Variants in FLCN observed in about 807,000 individuals in gnomAD.
The protein encoded by FLCN is BHD skin lesion fibrofolliculoma protein.
A neutral mutation model predicts 62.5 loss-of-function variants in FLCN; 22 were observed. The observed-to-expected ratio is 0.35, with a 90% CI of 0.25 to 0.50. The LOEUF (loss-of-function observed/expected upper bound fraction) is 0.50, where lower values mean the gene tolerates loss of function less well. Among genes scored for constraint, FLCN ranks in the 20% least tolerant of loss-of-function variants. The pLI is 0.97. For missense variants in FLCN, 657 were observed against 778.0 expected, an observed-to-expected ratio of 0.84 and a Z score of 1.85; for synonymous variants, 319 against 310.0, an observed-to-expected ratio of 1.03 and a Z score of -0.30.
Position 17,228,046 on chromosome 17 carries a change from T to C in FLCN, c.92A>G (p.Gln31Arg). 1 of 1,613,784 alleles carries C rather than the reference T, an allele frequency of 6.2e-7. No homozygotes were observed. Among genetic ancestry groups the C allele is most frequent in the South Asian group, 1.1e-5 (1 of 91,086 alleles). ...AGGACTGTCCTCATTCCCATCCCCT[T>C]GAGGAAGTGGGGCGTGCAGCACCTC... ...CTEVLHAPLP[Q>R]GDGNEDSPGQ... The change falls in exon 4 of 14, where the codon CAA (glutamine) becomes CGA (arginine). Residue 31 changes from glutamine (Q) to arginine (R), a missense_variant. Gln to Arg is a conservative substitution (Grantham distance 43). Transcript: ENST00000285071.
In FLCN at chr17:17,225,010, G is replaced by T. The variant is rs575264647; in HGVS notation, c.397-867C>A. 3 of 152,494 alleles carry T rather than the reference G, an allele frequency of 2.0e-5. No homozygotes were observed. The East Asian group carries it at 5.8e-4, about 29-fold the overall frequency. 9.4% of individuals were successfully genotyped at this position (152,494 alleles called of 1,614,324 possible). On this transcript the variant is annotated intron_variant, in intron 5 of 13. Coordinates refer to ENST00000285071, the MANE Select transcript of FLCN (RefSeq NM_144997.7). ...CACACAGCCACACTGAATGAGAACA[G>T]TAAGGGAGCTTGGTGTGTCGAACTG...
At chr17:17,223,064 C>T in intron 6 of FLCN, 1 of 320,640 alleles carries the variant, frequency 3.1e-6, no homozygotes, top group Non-Finnish European at 6.2e-6. Context: ...ACCATCTGTG[C>T]TTCTGGAGGG....
chr17:17,227,651 CAGTGAGCCATGATCACA>C (rs1165738985), intron 4 of FLCN, among the ~76,000 whole-genome samples: 1 of 152,148 alleles, frequency 6.6e-6, no homozygotes, highest in East Asian at 1.9e-4. Context: ...GCAGAGGTTG[CAGTGAGCCATGATCACA>C]CCATGGCACT....
rs752337482 is a variant in FLCN at position 17,219,041 on chromosome 17, T to C, written c.1040A>G (p.Lys347Arg). 1.9e-6 allele frequency: 3 copies of C among 1,613,784 alleles called. No individual in the cohort carries two copies. In the South Asian group the frequency reaches 3.3e-5, roughly 18 times the overall value. ...SWQPRKLPVF[K>R]SLRHMRQVLG... is the part of the protein sequence containing the mutation. ...TACCTGCCTCATGTGCCGGAGGGAC[T>C]TGAAGACTGGCAGCTTCCGGGGCTG... is the stretch of plus-strand genomic sequence containing the variant. Residue 347 changes from lysine to arginine, a missense_variant, in exon 9 of 14, where the codon AAG (lysine) becomes AGG (arginine). Physicochemically the swap from Lys to Arg is conservative, Grantham distance 26. Transcript: ENST00000285071.
intron 9 of FLCN, chr17:17,217,459 A>C (rs753763005): frequency 6.0e-6 from 3 of 502,556 alleles, no homozygotes; most frequent in African/African-American, 1.9e-5. Flanking sequence ...AAAGATGTTA[A>C]CTTTGTGCAA....
chr17:17,214,634 G>A (rs988186430), intron 13 of FLCN, among the ~76,000 whole-genome samples: 3 of 152,050 alleles, frequency 2.0e-5, no homozygotes, highest in East Asian at 3.8e-4. Flanking sequence ...AATAAAAAGC[G>A]GGGTGGGGCA....
In FLCN at chr17:17,217,151, GC is replaced by G; in HGVS notation, c.1093del (p.Ala365ProfsTer10). The G allele has an allele frequency of 6.2e-7, 1 of 1,614,046 alleles. No homozygotes were observed. Among genetic ancestry groups the G allele is most frequent in the South Asian group, 1.1e-5 (1 of 91,088 alleles). ...VLGAPSFRMLAWHVLMGNQVI... is the reference protein window; with the variant it reads ...VLGAPSFRMLXWHVLMGNQVI... Reference sequence around the variant, plus strand: ...CTGGTTCCCCATGAGAACGTGCCAGGCCAGCATGCGGAAAGAAGGGGCACCC... The same window carrying G: ...CTGGTTCCCCATGAGAACGTGCCAGGCAGCATGCGGAAAGAAGGGGCACCC... On this transcript the variant is annotated frameshift_variant, in exon 10 of 14. Coordinates refer to ENST00000285071, the MANE Select transcript of FLCN (RefSeq NM_144997.7). LOFTEE classifies it high-confidence loss of function.
chr17:17,228,172 C>T lies in FLCN; in HGVS notation c.-24-11G>A. ...GAGACTGCAACAGGCCTGCGTGGGA[C>T]AGGGGACATGTCAGCTTGCCAATGC... On this transcript the variant is annotated splice_polypyrimidine_tract_variant and intron_variant, in intron 3 of 13. Coordinates refer to ENST00000285071, the MANE Select transcript of FLCN (RefSeq NM_144997.7). The T allele has an allele frequency of 1.9e-6, 3 of 1,606,894 alleles. No homozygotes were observed. The highest frequency in any genetic ancestry group is 1.1e-5 in the South Asian group (1 of 90,926).
At chr17:17,236,333 C>T (rs1375769286) in intron 1 of FLCN, among the ~76,000 whole-genome samples, 2 of 152,190 alleles carry the variant, frequency 1.3e-5, no homozygotes, top group Non-Finnish European at 2.9e-5. Flanking sequence ...TGTCACCTGC[C>T]ACTATTACTC....
Position 17,215,020 on chromosome 17 carries a change from G to A in FLCN, c.1503C>T (p.Asp501=), listed in dbSNP as rs1447641168. 1.2e-6 allele frequency: 2 copies of A among 1,614,130 alleles called. No individual in the cohort carries two copies. The highest frequency in any genetic ancestry group is 1.7e-5 in the Admixed American group (1 of 60,026). ...CCTCCTTGAGGCAGACGAGGCACTG[G>A]TCCACCACATCCACAGACAGGTTCT... is the stretch of plus-strand genomic sequence containing the variant. ...TNQNLSVDVV[D]QCLVCLKEEW... is the part of the protein sequence containing the mutation. Residue 501 remains aspartate, a synonymous_variant, in exon 13 of 14, where the codon GAC becomes GAT. Transcript: ENST00000285071.
chr17:17,213,506 C>T lies in FLCN; in HGVS notation c.*149G>A. On this transcript the variant is annotated 3_prime_UTR_variant, in exon 14 of 14. Coordinates refer to ENST00000285071, the MANE Select transcript of FLCN (RefSeq NM_144997.7). ...GGAAGCACACAGGCCCCAAACCTGACAGGGCCGAGCCCAGCCCTGATGGTT... is the reference window on the plus strand; with the variant it reads ...GGAAGCACACAGGCCCCAAACCTGATAGGGCCGAGCCCAGCCCTGATGGTT... 2 of 1,079,552 alleles carry T rather than the reference C, an allele frequency of 1.9e-6. No homozygotes were observed. Among genetic ancestry groups the T allele is most frequent in the South Asian group, 2.7e-5 (2 of 74,612 alleles). The allele number at this position is 1,079,552 out of a possible 1,614,324, so 66.9% of individuals were successfully genotyped here. A position where few individuals can be genotyped will look rare whatever the true frequency, so the allele number is the denominator to read the frequency against.
At position 17,213,859 on chromosome 17, in the gene FLCN, GA is replaced by G; in HGVS notation, c.1539-4del. On this transcript the variant is annotated splice_polypyrimidine_tract_variant and splice_region_variant and intron_variant, in intron 13 of 13. Coordinates refer to ENST00000285071, the MANE Select transcript of FLCN (RefSeq NM_144997.7). The stretch of plus-strand genomic sequence containing the variant: ...ACTTAAAAAGCACCTTCACTTTGCT[GA>G]AGAAAACCAAAACAAAACACTCAGA... 6.2e-7 allele frequency: 1 copy of G among 1,613,998 alleles called. No individual in the cohort carries two copies. Among genetic ancestry groups the G allele is most frequent in the South Asian group, 1.1e-5 (1 of 91,084 alleles).
At chr17:17,215,784 C>T (rs2046900952) in intron 11 of FLCN, among the ~76,000 whole-genome samples, 1 of 152,180 alleles carries the variant, frequency 6.6e-6, no homozygotes, top group Non-Finnish European at 1.5e-5. Context: ...ATTGGGGGCT[C>T]AGGGTAGCTC....
At chr17:17,230,175 A>G (rs778732468) in intron 3 of FLCN, among the ~76,000 whole-genome samples, 24 of 152,218 alleles carry the variant, frequency 1.6e-4, no homozygotes, top group Non-Finnish European at 2.9e-4. Flanking sequence ...CACATTGTCC[A>G]TACGGTGGCC....
rs1369450343 is a variant in FLCN at position 17,216,596 on chromosome 17, G to A, written c.1177-93C>T. ...ACTACCCAAACCCCACACGCCTCCT[G>A]CAGCCCGGTCCAAGCCCTCCCTCCT... is the stretch of plus-strand genomic sequence containing the variant. On this transcript the variant is annotated intron_variant, in intron 10 of 13. Coordinates refer to ENST00000285071, the MANE Select transcript of FLCN (RefSeq NM_144997.7). The surrounding 1 kb of genome is among the most constrained non-coding windows in gnomAD (Gnocchi z 4.0). 2 of 1,571,104 alleles carry A rather than the reference G, an allele frequency of 1.3e-6. No individual in the cohort carries two copies. The highest frequency in any genetic ancestry group is 1.7e-6 in the Non-Finnish European group (2 of 1,161,908).
At position 17,212,576 on chromosome 17, in the gene FLCN, G is replaced by A; in HGVS notation, c.*1079C>T. 5.8e-6 allele frequency: 1 copy of A among 173,190 alleles called. No individual in the cohort carries two copies. Among genetic ancestry groups the A allele is most frequent in the East Asian group, 1.0e-4 (1 of 9,766 alleles). 10.7% of individuals were successfully genotyped at this position (173,190 alleles called of 1,614,324 possible). On this transcript the variant is annotated 3_prime_UTR_variant, in exon 14 of 14. Transcript: ENST00000285071. ...GAGGTGGGTGGATCACCTGAGGTCA[G>A]GAGTTTGAGACCAGCCCGGCCAACA...
At chr17:17,214,431 T>C (rs2144822772) in intron 13 of FLCN, among the ~76,000 whole-genome samples, 1 of 151,976 alleles carries the variant, frequency 6.6e-6, no homozygotes, top group South Asian at 2.1e-4. Flanking sequence ...CTGTCTCTAC[T>C]AAAAATACAA....
In FLCN at chr17:17,226,296, G is replaced by A. The variant is rs1555610970; in HGVS notation, c.276C>T (p.His92=). 1.2e-6 allele frequency: 2 copies of A among 1,614,204 alleles called. No individual in the cohort carries two copies. The highest frequency in any genetic ancestry group is 3.3e-4 in the Middle Eastern group (2 of 6,062). The change falls in exon 5 of 14, where the codon CAC becomes CAT. Residue 92 remains histidine (H), a synonymous_variant. Coordinates refer to ENST00000285071, the MANE Select transcript of FLCN (RefSeq NM_144997.7). ...CEGCRSLAAG[H]PGYISHDKET... ...CTTTATCATGGCTGATATATCCCGG[G>A]TGCCCTGCAGCAAGTGACCGGCAGC...
At position 17,212,996 on chromosome 17, in the gene FLCN, G is replaced by C. The variant is rs2144800019; in HGVS notation, c.*659C>G. ...AACCTGTCTTGTGCAAAAATGATCA[G>C]GGACTCCATCATTAAGCCCCAGGTT... On this transcript the variant is annotated 3_prime_UTR_variant, in exon 14 of 14. Coordinates refer to ENST00000285071, the MANE Select transcript of FLCN (RefSeq NM_144997.7). The C allele has an allele frequency of 4.2e-6, 1 of 239,476 alleles. No individual in the cohort carries two copies. Among genetic ancestry groups the C allele is most frequent in the East Asian group, 6.0e-5 (1 of 16,784 alleles). The allele number at this position is 239,476 out of a possible 1,614,324, so 14.8% of individuals were successfully genotyped here.
Sources: gnomAD v4.1 joint callset for allele counts (sites outside exome capture counted in the v4.1 genomes callset) on GRCh38, gnomAD v4.1.1 for gene constraint, Gnocchi (gnomAD v3.1) non-coding constraint, MANE v1.5 for transcripts, NCBI Gene and HGNC (gene_info 2026-07-23, HGNC 2026-07-21) for gene names.